The following FRMD4A variants were observed in gnomAD, a reference collection of about 807,000 sequenced individuals.
FRMD4A encodes the protein FERM domain-containing protein 4A.
In FRMD4A, 29 loss-of-function variants were observed where a neutral mutation model predicts 129.1. The ratio of observed to expected loss-of-function variants is 0.22; its 90% CI spans 0.17 to 0.31. FRMD4A has a LOEUF of 0.31. Ranked by LOEUF, FRMD4A falls within the 10% of genes least tolerant of loss-of-function variation. FRMD4A has a pLI of 1.00. For synonymous variants in FRMD4A, 634 were observed against 571.6 expected (o/e 1.11, Z -1.56); for missense variants, 1,272 against 1,375.8 (o/e 0.92, Z 1.19).
At chr10:13,971,010 G>A (rs543721521) in intron 2 of FRMD4A, among the ~76,000 whole-genome samples, 2 of 152,194 alleles carry the variant, frequency 1.3e-5, no homozygotes, top group African/African-American at 4.8e-5. Context: ...GGATCTTCCC[G>A]CCTTGCCTCC....
chr10:13,713,984 TACATATATA>T (rs2088394934), intron 12 of FRMD4A, among the ~76,000 whole-genome samples: 1 of 102,484 alleles, frequency 9.8e-6, no homozygotes, highest in Non-Finnish European at 2.0e-5. Context: ...ATATGTAATA[TACATATATA>T]ATATACATAT....
chr10:14,270,831 C>G (rs1845139532), intron 2 of FRMD4A, among the ~76,000 whole-genome samples: 1 of 152,142 alleles, frequency 6.6e-6, no homozygotes, highest in Non-Finnish European at 1.5e-5. Context: ...AAGTAAAGAC[C>G]AAATCACTCC....
intron 2 of FRMD4A, among the ~76,000 whole-genome samples, chr10:13,868,826 G>A (rs1411244874): frequency 6.6e-6 from 1 of 152,142 alleles, no homozygotes; most frequent in Non-Finnish European, 1.5e-5. Context: ...ACACATGCAG[G>A]TGTGTCCTTC....
chr10:14,203,728 T>C (rs1289640486), intron 2 of FRMD4A, among the ~76,000 whole-genome samples: 1 of 152,256 alleles, frequency 6.6e-6, no homozygotes, highest in Non-Finnish European at 1.5e-5. Flanking sequence ...TTCTCCCATG[T>C]CTGCATCTAT....
At chr10:14,039,888 A>C (rs1425729485) in intron 2 of FRMD4A, among the ~76,000 whole-genome samples, 2 of 152,112 alleles carry the variant, frequency 1.3e-5, no homozygotes, top group African/African-American at 4.8e-5. Context: ...GGCAAAATAA[A>C]TTTCCTAAAT....
At chr10:14,157,585 G>C (rs1293148138) in intron 2 of FRMD4A, among the ~76,000 whole-genome samples, 1 of 152,186 alleles carries the variant, frequency 6.6e-6, no homozygotes, top group Non-Finnish European at 1.5e-5. Context: ...CATCACCCCA[G>C]AGTCCAGCCA....
intron 2 of FRMD4A, among the ~76,000 whole-genome samples, chr10:14,153,871 A>G (rs554531851): frequency 6.6e-6 from 1 of 152,050 alleles, no homozygotes; most frequent in Non-Finnish European, 1.5e-5. Context: ...GTTCTTTCCT[A>G]ACTACTCAGG....
At chr10:13,760,210 G>T (rs2092015903) in intron 8 of FRMD4A, among the ~76,000 whole-genome samples, 1 of 151,826 alleles carries the variant, frequency 6.6e-6, no homozygotes, top group South Asian at 2.1e-4. Context: ...AGATCGTACT[G>T]CGTGCAAAAC....
intron 4 of FRMD4A, among the ~76,000 whole-genome samples, chr10:13,798,249 A>G (rs1447655480): frequency 6.6e-6 from 1 of 151,972 alleles, no homozygotes; most frequent in African/African-American, 2.4e-5. Context: ...TGTCTCTACT[A>G]AAAATACAAA....
chr10:14,133,110 G>A (rs1176434072), intron 2 of FRMD4A, among the ~76,000 whole-genome samples: 1 of 152,174 alleles, frequency 6.6e-6, no homozygotes. Flanking sequence ...GCAGAAGGAA[G>A]TGCATTTTTG....
At chr10:13,932,353 A>G (rs572915096) in intron 2 of FRMD4A, among the ~76,000 whole-genome samples, 1 of 151,748 alleles carries the variant, frequency 6.6e-6, no homozygotes, top group Non-Finnish European at 1.5e-5. Flanking sequence ...CAACATCTCC[A>G]TTTTTTTCTG....
At chr10:13,943,994 T>C (rs2797879) in intron 2 of FRMD4A, among the ~76,000 whole-genome samples, 8,436 of 152,238 alleles carry the variant, frequency 0.055, 549 homozygotes, top group East Asian at 0.27. Context: ...GATATGTTCC[T>C]ACCATTCAGA....
chr10:14,077,110 C>A (rs1319292293), intron 2 of FRMD4A, among the ~76,000 whole-genome samples: 1 of 152,146 alleles, frequency 6.6e-6, no homozygotes, highest in Admixed American at 6.5e-5. Context: ...CACCCAAACA[C>A]CTAGAGGAGT....
At chr10:13,770,616 G>A (rs538696542) in intron 6 of FRMD4A, among the ~76,000 whole-genome samples, 2 of 151,868 alleles carry the variant, frequency 1.3e-5, no homozygotes, top group East Asian at 1.9e-4. Context: ...GCTAATTTTA[G>A]TTTTTTTGTA....
At chr10:13,733,652 C>T (rs2090453169) in intron 12 of FRMD4A, among the ~76,000 whole-genome samples, 1 of 152,218 alleles carries the variant, frequency 6.6e-6, no homozygotes, top group African/African-American at 2.4e-5. Flanking sequence ...GTCTTGAATT[C>T]CTGACCTCAG....
chr10:14,018,178 G>A (rs1216702303), intron 2 of FRMD4A, among the ~76,000 whole-genome samples: 1 of 152,030 alleles, frequency 6.6e-6, no homozygotes, highest in Non-Finnish European at 1.5e-5. Flanking sequence ...TGGGTGCAGT[G>A]GCTCACATCT....
At chr10:14,186,161 A>T (rs1564372581) in intron 2 of FRMD4A, among the ~76,000 whole-genome samples, 1 of 152,092 alleles carries the variant, frequency 6.6e-6, no homozygotes, top group African/African-American at 2.4e-5. Flanking sequence ...AAAAAAAAAA[A>T]AGACTGGCCA....
intron 2 of FRMD4A, among the ~76,000 whole-genome samples, chr10:13,862,641 A>G (rs547405597): frequency 6.6e-6 from 1 of 152,374 alleles, no homozygotes; most frequent in South Asian, 2.1e-4. Flanking sequence ...AACAGCACAG[A>G]GAAGTGTCTA....
At chr10:13,885,852 T>TCC (rs1387739327) in intron 2 of FRMD4A, among the ~76,000 whole-genome samples, 2 of 152,100 alleles carry the variant, frequency 1.3e-5, no homozygotes, top group Non-Finnish European at 2.9e-5. Flanking sequence ...CGAACACTGC[T>TCC]CCCCATTGTG....
Sources: gnomAD v4.1 joint callset for allele counts (sites outside exome capture counted in the v4.1 genomes callset) on GRCh38, gnomAD v4.1.1 for gene constraint, MANE v1.5 for transcripts, NCBI Gene and HGNC (gene_info 2026-07-23, HGNC 2026-07-21) for gene names.